NRG1: variants seen among roughly 807,000 people sequenced by gnomAD.
The protein encoded by NRG1 is neuregulin 1.
In NRG1, 18 loss-of-function variants were observed where a neutral mutation model predicts 63.8. The ratio of observed to expected loss-of-function variants is 0.28; its 90% CI spans 0.19 to 0.42. The LOEUF (loss-of-function observed/expected upper bound fraction) is 0.42. NRG1 is among the 10% of genes least tolerant of loss of function. NRG1 has a pLI of 1.00. For synonymous variants in NRG1, 302 were observed against 301.3 expected (o/e 1.00, Z -0.02); for missense variants, 762 against 814.7 (o/e 0.94, Z 0.79).
At chr8:32,743,761 C>T (rs1826930450) in intron 7 of NRG1, among the ~76,000 whole-genome samples, 3 of 151,512 alleles carry the variant, frequency 2.0e-5, no homozygotes, top group African/African-American at 7.3e-5. Flanking sequence ...ACTTCTGATC[C>T]TGGAGCTTTC....
chr8:32,298,642 AG>A, intron 1 of NRG1, among the ~76,000 whole-genome samples: 1 of 148,102 alleles, frequency 6.8e-6, no homozygotes, highest in South Asian at 2.1e-4. Context: ...TGAACCCAGG[AG>A]GCGGAGGTTG....
At chr8:32,228,224 G>C (rs563643661) in intron 1 of NRG1, among the ~76,000 whole-genome samples, 9 of 152,160 alleles carry the variant, frequency 5.9e-5, no homozygotes, top group Non-Finnish European at 8.8e-5. Context: ...GAATGAAATG[G>C]CCTATACTTA....
chr8:32,535,823 C>G (rs772312728), intron 1 of NRG1, among the ~76,000 whole-genome samples: 1 of 152,102 alleles, frequency 6.6e-6, no homozygotes, highest in Non-Finnish European at 1.5e-5. Flanking sequence ...TTGGAGATAG[C>G]CTTGCCCATT....
chr8:31,829,173 A>G (rs1194735675), intron 1 of NRG1, among the ~76,000 whole-genome samples: 1 of 152,180 alleles, frequency 6.6e-6, no homozygotes, highest in Admixed American at 6.5e-5. Flanking sequence ...GTCTTAATGC[A>G]TACATTTGCA....
intron 1 of NRG1, among the ~76,000 whole-genome samples, chr8:32,245,940 C>T (rs146901265): frequency 6.6e-6 from 1 of 152,054 alleles, no homozygotes; most frequent in Non-Finnish European, 1.5e-5. Context: ...TCTGAGCCTG[C>T]GAGGAAGTAT....
At chr8:31,974,567 C>A (rs1807846557) in intron 1 of NRG1, among the ~76,000 whole-genome samples, 1 of 152,098 alleles carries the variant, frequency 6.6e-6, no homozygotes, top group Non-Finnish European at 1.5e-5. Context: ...ATTCAGTCAT[C>A]AAATAACTTT....
chr8:31,841,034 C>T (rs1285669483), intron 1 of NRG1, among the ~76,000 whole-genome samples: 1 of 152,118 alleles, frequency 6.6e-6, no homozygotes, highest in Non-Finnish European at 1.5e-5. Flanking sequence ...GATGCAAAGA[C>T]AAATTAGAAC....
intron 1 of NRG1, among the ~76,000 whole-genome samples, chr8:31,882,921 T>A (rs777833641): frequency 8.3e-4 from 127 of 152,262 alleles, no homozygotes; most frequent in Middle Eastern, 3.4e-3. Flanking sequence ...ATGAAGATCC[T>A]GTGAACATTA....
intron 1 of NRG1, among the ~76,000 whole-genome samples, chr8:32,092,461 C>CAAAAAAAAAAAAAAAAAAAAA (rs71208167): frequency 1.2e-5 from 1 of 83,710 alleles, no homozygotes; most frequent in Non-Finnish European, 2.2e-5. Flanking sequence ...GACCCTGTCT[C>CAAAAAAAAAAAAAAAAAAAAA]AAAAAAAAAA....
chr8:32,549,299 G>A (rs973862270), intron 1 of NRG1, among the ~76,000 whole-genome samples: 7 of 152,256 alleles, frequency 4.6e-5, no homozygotes, highest in Non-Finnish European at 1.0e-4. Context: ...TGGCAGCGCA[G>A]AAGTGGGTGG....
chr8:32,741,262 C>T (rs1232213438), intron 6 of NRG1, among the ~76,000 whole-genome samples: 1 of 152,032 alleles, frequency 6.6e-6, no homozygotes, highest in Non-Finnish European at 1.5e-5. Context: ...AAATGTTATA[C>T]AGTTTTAAAA....
chr8:31,696,258 G>T (rs1481994229), intron 1 of NRG1, among the ~76,000 whole-genome samples: 1 of 152,106 alleles, frequency 6.6e-6, no homozygotes, highest in African/African-American at 2.4e-5. Context: ...ATAGAGACAG[G>T]GTTTCACCAT....
chr8:32,609,067 C>T (rs1479000815), intron 3 of NRG1, among the ~76,000 whole-genome samples: 1 of 152,124 alleles, frequency 6.6e-6, no homozygotes, highest in Non-Finnish European at 1.5e-5. Flanking sequence ...CATAGCTGCC[C>T]GGAAGCTCCT....
chr8:31,744,986 G>A (rs780397545), intron 1 of NRG1, among the ~76,000 whole-genome samples: 3 of 151,832 alleles, frequency 2.0e-5, no homozygotes, highest in African/African-American at 7.2e-5. Context: ...TAATGTTGAG[G>A]TTTCACAGTA....
intron 1 of NRG1, among the ~76,000 whole-genome samples, chr8:32,389,196 G>A (rs920564273): frequency 2.6e-5 from 4 of 152,258 alleles, no homozygotes; most frequent in African/African-American, 4.8e-5. Flanking sequence ...GCGAAGAAAC[G>A]TAAACCAAAT....
intron 1 of NRG1, among the ~76,000 whole-genome samples, chr8:31,836,955 C>G (rs1825741507): frequency 6.6e-6 from 1 of 152,046 alleles, no homozygotes; most frequent in Non-Finnish European, 1.5e-5. Flanking sequence ...CTGATCAATT[C>G]ATACCATTCT....
At chr8:31,879,009 A>AC (rs1830141172) in intron 1 of NRG1, among the ~76,000 whole-genome samples, 1 of 152,118 alleles carries the variant, frequency 6.6e-6, no homozygotes, top group Non-Finnish European at 1.5e-5. Context: ...CAAGAAAAAA[A>AC]AAACAAACAA....
chr8:32,667,237 A>C (rs1038751423), intron 5 of NRG1, among the ~76,000 whole-genome samples: 6 of 152,208 alleles, frequency 3.9e-5, no homozygotes, highest in African/African-American at 1.4e-4. Context: ...AAACAGAGAA[A>C]AGGTACAGTA....
intron 1 of NRG1, among the ~76,000 whole-genome samples, chr8:32,240,598 GATTCCGTAA>G (rs1848003005): frequency 6.6e-6 from 1 of 152,054 alleles, no homozygotes; most frequent in African/African-American, 2.4e-5. Flanking sequence ...TATTTTGGTG[GATTCCGTAA>G]ATGTCAAATC....
Sources: allele counts gnomAD v4.1 joint callset (sites outside exome capture counted in the v4.1 genomes callset), GRCh38; gene constraint gnomAD v4.1.1; transcripts MANE v1.5; gene names NCBI Gene and HGNC (gene_info 2026-07-23, HGNC 2026-07-21).